Variants in PRKAG2 observed in about 807,000 individuals in gnomAD.
PRKAG2 encodes protein kinase AMP-activated non-catalytic subunit gamma 2, also known as 5'-AMP-activated protein kinase subunit gamma-2.
A neutral mutation model predicts 69.6 loss-of-function variants in PRKAG2; 26 were observed. That is an observed-to-expected ratio of 0.37 (90% confidence interval 0.27 to 0.52). The LOEUF (loss-of-function observed/expected upper bound fraction) is 0.52, where lower values mean the gene tolerates loss of function less well. Among genes scored for constraint, PRKAG2 ranks in the 20% least tolerant of loss-of-function variants. The probability of loss-of-function intolerance (pLI) is 0.90; values close to 1 mark genes in which losing one functional copy is unlikely to be tolerated. For missense variants in PRKAG2, 557 were observed against 740.0 expected, an observed-to-expected ratio of 0.75 and a Z score of 2.87; for synonymous variants, 293 against 285.0, an observed-to-expected ratio of 1.03 and a Z score of -0.28.
At chr7:151,759,332 C>T (rs1337959525) in intron 3 of PRKAG2, among the ~76,000 whole-genome samples, 2 of 152,164 alleles carry the variant, frequency 1.3e-5, no homozygotes, top group African/African-American at 4.8e-5. Context: ...GAGCAGCACC[C>T]CCGCAGCCCC....
At chr7:151,646,743 T>C (rs536592350) in intron 4 of PRKAG2, among the ~76,000 whole-genome samples, 2 of 152,360 alleles carry the variant, frequency 1.3e-5, no homozygotes, top group African/African-American at 4.8e-5. Flanking sequence ...CTCATACATA[T>C]AAAATATGTA....
chr7:151,786,146 T>G (rs1293184288), intron 2 of PRKAG2, among the ~76,000 whole-genome samples: 2 of 152,258 alleles, frequency 1.3e-5, no homozygotes, highest in East Asian at 3.9e-4. Flanking sequence ...ACCGATACCT[T>G]CCACCGGGCT....
chr7:151,569,892 A>G (rs1398048636), intron 10 of PRKAG2, among the ~76,000 whole-genome samples: 1 of 152,222 alleles, frequency 6.6e-6, no homozygotes, highest in East Asian at 1.9e-4. Flanking sequence ...GTAAAAGCCC[A>G]GGAATCTGCA....
intron 4 of PRKAG2, among the ~76,000 whole-genome samples, chr7:151,667,348 A>G (rs890236754): frequency 2.0e-5 from 3 of 152,216 alleles, no homozygotes; most frequent in Non-Finnish European, 4.4e-5. Context: ...TCTACTTTAC[A>G]GGAAGATTAT....
chr7:151,861,629 G>C (rs112558637), intron 1 of PRKAG2, among the ~76,000 whole-genome samples: 205 of 152,072 alleles, frequency 1.3e-3, no homozygotes, highest in African/African-American at 4.6e-3. Context: ...GGTGGCCACA[G>C]CTACATTCTT....
chr7:151,774,180 T>C (rs1157463987), intron 3 of PRKAG2, among the ~76,000 whole-genome samples: 2 of 152,150 alleles, frequency 1.3e-5, no homozygotes, highest in Non-Finnish European at 2.9e-5. Flanking sequence ...CCAGCCACAC[T>C]ACGAATCCTC....
intron 1 of PRKAG2, among the ~76,000 whole-genome samples, chr7:151,815,806 G>A (rs1037604351): frequency 3.3e-5 from 5 of 152,146 alleles, no homozygotes; most frequent in Non-Finnish European, 7.3e-5. Context: ...CCCCATTTCA[G>A]AACCCCGCCG....
chr7:151,849,508 G>A (rs962914466), intron 1 of PRKAG2, among the ~76,000 whole-genome samples: 7 of 152,166 alleles, frequency 4.6e-5, no homozygotes, highest in African/African-American at 7.2e-5. Flanking sequence ...CATTTCTGGC[G>A]GCTGCTGTAA....
At chr7:151,683,501 G>A (rs1271059913) in intron 3 of PRKAG2, among the ~76,000 whole-genome samples, 1 of 152,184 alleles carries the variant, frequency 6.6e-6, no homozygotes, top group African/African-American at 2.4e-5. Context: ...CCTCATTCCT[G>A]CCTGAGGAAC....
At chr7:151,679,220 C>T (rs893898451) in intron 3 of PRKAG2, among the ~76,000 whole-genome samples, 2 of 152,118 alleles carry the variant, frequency 1.3e-5, no homozygotes, top group Admixed American at 6.5e-5. Context: ...AGCCAGGGCT[C>T]GGGGAGGCCT....
At chr7:151,709,047 TCA>T (rs1392533446) in intron 3 of PRKAG2, among the ~76,000 whole-genome samples, 1 of 152,106 alleles carries the variant, frequency 6.6e-6, no homozygotes, top group Non-Finnish European at 1.5e-5. Context: ...TGTGACACTG[TCA>T]CAGTGCATGA....
chr7:151,587,890 T>C (rs932433369), intron 6 of PRKAG2, among the ~76,000 whole-genome samples: 3 of 152,172 alleles, frequency 2.0e-5, no homozygotes, highest in African/African-American at 7.2e-5. Flanking sequence ...TATTGGTTCA[T>C]TAACTGGGAC....
chr7:151,693,911 G>A (rs1048122466), intron 3 of PRKAG2, among the ~76,000 whole-genome samples: 1 of 152,224 alleles, frequency 6.6e-6, no homozygotes, highest in African/African-American at 2.4e-5. Context: ...TCGCACTGTT[G>A]CCTAGGCTGG....
At chr7:151,674,699 C>CTTT (rs1832621154) in intron 4 of PRKAG2, among the ~76,000 whole-genome samples, 2 of 152,128 alleles carry the variant, frequency 1.3e-5, no homozygotes, top group South Asian at 2.1e-4. Flanking sequence ...AGAGGGCATC[C>CTTT]TAAGTCTGAT....
At chr7:151,587,601 T>C (rs989591368) in intron 6 of PRKAG2, among the ~76,000 whole-genome samples, 2 of 152,168 alleles carry the variant, frequency 1.3e-5, no homozygotes, top group Non-Finnish European at 2.9e-5. Context: ...CTCTCTCTGG[T>C]CTTTCTCCTC....
At chr7:151,657,606 T>C (rs980725897) in intron 4 of PRKAG2, among the ~76,000 whole-genome samples, 1 of 152,204 alleles carries the variant, frequency 6.6e-6, no homozygotes, top group Non-Finnish European at 1.5e-5. Flanking sequence ...ACTTGCAAAA[T>C]AGAGATAATA....
intron 3 of PRKAG2, among the ~76,000 whole-genome samples, chr7:151,765,457 G>A (rs1366649044): frequency 6.6e-6 from 1 of 152,182 alleles, no homozygotes; most frequent in African/African-American, 2.4e-5. Flanking sequence ...GATTCGGGTG[G>A]TAACAAGAAG....
intron 1 of PRKAG2, among the ~76,000 whole-genome samples, chr7:151,849,860 C>G (rs2079528648): frequency 6.6e-6 from 1 of 152,196 alleles, no homozygotes; most frequent in Admixed American, 6.5e-5. Flanking sequence ...GACGCCATAT[C>G]CACACAAGGT....
At position 151,623,922 on chromosome 7, in the gene PRKAG2, A is replaced by T. The variant is rs556346743; in HGVS notation, c.754+8147T>A. 2.0e-5 allele frequency among the ~76,000 whole-genome samples: 3 copies of T among 152,264 alleles called. No homozygotes were observed. In the South Asian group the frequency reaches 6.2e-4, roughly 32 times the overall value. On this transcript the variant is annotated intron_variant, in intron 5 of 15. Coordinates refer to ENST00000287878, the MANE Select transcript of PRKAG2 (RefSeq NM_016203.4). ...AATGCGCATGTGTGTACTGGGGAGG[A>T]GGTCTTGACGGAACAATGAAACATT... is the stretch of plus-strand genomic sequence containing the variant.
Sources: allele counts gnomAD v4.1 joint callset (sites outside exome capture counted in the v4.1 genomes callset), GRCh38; gene constraint gnomAD v4.1.1; transcripts MANE v1.5; gene names NCBI Gene and HGNC (gene_info 2026-07-23, HGNC 2026-07-21).